CNTLN: variants seen among roughly 807,000 people sequenced by gnomAD.
The protein encoded by CNTLN is centlein, centrosomal protein.
In CNTLN, 212 loss-of-function variants were observed where a neutral mutation model predicts 180.0. The ratio of observed to expected loss-of-function variants is 1.18; its 90% CI spans 1.05 to 1.32. The LOEUF is 1.32. Ranked by LOEUF, CNTLN falls within the 40% of genes most tolerant of loss-of-function variation. The pLI is 0.00. For synonymous variants in CNTLN, 722 were observed against 563.1 expected (o/e 1.28, Z -3.99); for missense variants, 2,095 against 1,610.9 (o/e 1.30, Z -5.14).
chr9:17,260,330 G>A (rs1826860284), intron 5 of CNTLN, among the ~76,000 whole-genome samples: 1 of 150,974 alleles, frequency 6.6e-6, no homozygotes, highest in Non-Finnish European at 1.5e-5. Flanking sequence ...ATTGCACTGT[G>A]GTCTGAGAGA....
chr9:17,516,110 T>TA, the CNTLN span, among the ~76,000 whole-genome samples: 1 of 152,210 alleles, frequency 6.6e-6, no homozygotes, highest in Admixed American at 6.5e-5. Context: ...CACATGATTT[T>TA]ATCCCTCCTT....
chr9:17,295,950 G>A (rs893611327), intron 6 of CNTLN, among the ~76,000 whole-genome samples: 8 of 150,748 alleles, frequency 5.3e-5, no homozygotes, highest in African/African-American at 2.0e-4. Flanking sequence ...AATAGTATGA[G>A]CATCTCCCTA....
At chr9:17,244,458 C>G (rs1392219024) in intron 5 of CNTLN, among the ~76,000 whole-genome samples, 1 of 152,152 alleles carries the variant, frequency 6.6e-6, no homozygotes, top group South Asian at 2.1e-4. Context: ...GCTCAAGTGA[C>G]CCTCCTGCCT....
chr9:17,493,541 A>C (rs957762971), intron 25 of CNTLN, among the ~76,000 whole-genome samples: 2 of 152,168 alleles, frequency 1.3e-5, no homozygotes, highest in African/African-American at 4.8e-5. Context: ...AATGACTCCT[A>C]TTCTTGCACC....
chr9:17,332,601 C>A lies in CNTLN; in HGVS notation c.1519-4C>A. On this transcript the variant is annotated splice_polypyrimidine_tract_variant and splice_region_variant and intron_variant, in intron 9 of 25. Transcript: ENST00000380647. ...TTCAACCATGTCCTTGTTTTATTCTCGAGGAACCACCTGTGAAACGTTCAA... is the reference window on the plus strand; with the variant it reads ...TTCAACCATGTCCTTGTTTTATTCTAGAGGAACCACCTGTGAAACGTTCAA... The A allele has an allele frequency of 6.3e-7, 1 of 1,599,618 alleles. No homozygotes were observed. Among genetic ancestry groups the A allele is most frequent in the South Asian group, 1.1e-5 (1 of 87,920 alleles).
intron 2 of CNTLN, among the ~76,000 whole-genome samples, chr9:17,169,479 A>C (rs1181020001): frequency 6.6e-6 from 1 of 152,180 alleles, no homozygotes; most frequent in Non-Finnish European, 1.5e-5. Context: ...ATCTTTGACA[A>C]GACCGATGTC....
intron 6 of CNTLN, among the ~76,000 whole-genome samples, chr9:17,294,312 A>G (rs1430087790): frequency 2.0e-5 from 3 of 151,878 alleles, no homozygotes; most frequent in African/African-American, 7.3e-5. Flanking sequence ...CATCCTGCTG[A>G]TTGGTCCATT....
intron 10 of CNTLN, among the ~76,000 whole-genome samples, chr9:17,335,422 CAGG>C (rs1564004570): frequency 6.6e-6 from 1 of 151,618 alleles, no homozygotes; most frequent in Admixed American, 6.6e-5. Context: ...GGGGCTGAGG[CAGG>C]AGAATTGCTT....
intron 6 of CNTLN, among the ~76,000 whole-genome samples, chr9:17,294,495 G>C (rs1042742431): frequency 6.6e-6 from 1 of 151,416 alleles, no homozygotes; most frequent in Admixed American, 6.6e-5. Flanking sequence ...GACACACGGT[G>C]CTGATTGGTG....
chr9:17,225,733 T>A (rs1446264122), intron 2 of CNTLN, among the ~76,000 whole-genome samples: 1 of 152,028 alleles, frequency 6.6e-6, no homozygotes, highest in African/African-American at 2.4e-5. Flanking sequence ...TTAGTTTAGT[T>A]AATAGTATTC....
At chr9:17,220,720 G>C (rs945072602) in intron 2 of CNTLN, among the ~76,000 whole-genome samples, 3 of 152,126 alleles carry the variant, frequency 2.0e-5, no homozygotes, top group African/African-American at 7.2e-5. Flanking sequence ...ACCTGCATTA[G>C]TTTTCTGAGG....
Position 17,330,270 on chromosome 9 carries a change from C to A in CNTLN, c.1342-362C>A, listed in dbSNP as rs140174669. ...TATGGTATTGTATGACTCTTGATGA[C>A]CAGATGGTGGATTGACTGTTTTGTG... On this transcript the variant is annotated intron_variant, in intron 8 of 25. Coordinates refer to ENST00000380647, the MANE Select transcript of CNTLN (RefSeq NM_017738.4). Among the ~76,000 whole-genome samples, 31 of 152,022 alleles carry A rather than the reference C, an allele frequency of 2.0e-4. 2 individuals carry two copies. The East Asian group carries it at 6.0e-3, about 29-fold the overall frequency.
chr9:17,212,901 T>A (rs1189161364), intron 2 of CNTLN, among the ~76,000 whole-genome samples: 1 of 152,208 alleles, frequency 6.6e-6, no homozygotes, highest in African/African-American at 2.4e-5. Flanking sequence ...GGTGGTGATA[T>A]CCCCTTTATC....
chr9:17,428,911 CT>C (rs1320754427), intron 18 of CNTLN, among the ~76,000 whole-genome samples: 4 of 151,682 alleles, frequency 2.6e-5, no homozygotes, highest in Non-Finnish European at 5.9e-5. Flanking sequence ...TTGTTATTTA[CT>C]TTTTAAAAAA....
At chr9:17,286,483 A>C (rs1489444732) in intron 6 of CNTLN, among the ~76,000 whole-genome samples, 1 of 120,212 alleles carries the variant, frequency 8.3e-6, no homozygotes, top group African/African-American at 3.7e-5. Context: ...TGACTTGGCG[A>C]TGCGGGCTCT....
Position 17,283,764 on chromosome 9 carries a change from G to A in CNTLN, c.983+9898G>A, listed in dbSNP as rs1433856985. 3.3e-5 allele frequency among the ~76,000 whole-genome samples: 5 copies of A among 152,228 alleles called. No individual in the cohort carries two copies. In the South Asian group the frequency reaches 8.3e-4, roughly 25 times the overall value. On this transcript the variant is annotated intron_variant, in intron 6 of 25. Coordinates refer to ENST00000380647, the MANE Select transcript of CNTLN (RefSeq NM_017738.4). ...TAAATGGCTCATTATTTTGAGGTAT[G>A]TTCCATCAATACCTAGTTTATTGAG... is the stretch of plus-strand genomic sequence containing the variant.
intron 18 of CNTLN, among the ~76,000 whole-genome samples, chr9:17,427,475 T>C (rs1829163209): frequency 6.6e-6 from 1 of 152,134 alleles, no homozygotes; most frequent in African/African-American, 2.4e-5. Flanking sequence ...TATTTAAAAT[T>C]TCATGAGTAA....
At chr9:17,504,407 C>G (rs1242317728), downstream of CNTLN, among the ~76,000 whole-genome samples, 6 of 152,218 alleles carry the variant, frequency 3.9e-5, no homozygotes, top group East Asian at 9.7e-4. Context: ...AATGAGACTG[C>G]TAGTATGACC....
intron 6 of CNTLN, among the ~76,000 whole-genome samples, chr9:17,289,704 AT>A (rs1033708377): frequency 7.2e-6 from 1 of 138,008 alleles, no homozygotes; most frequent in African/African-American, 3.0e-5. Flanking sequence ...GGCTTTGCTC[AT>A]TTCTTTTTAT....
Sources: gnomAD v4.1 joint callset for allele counts (sites outside exome capture counted in the v4.1 genomes callset) on GRCh38, gnomAD v4.1.1 for gene constraint, MANE v1.5 for transcripts, NCBI Gene and HGNC (gene_info 2026-07-23, HGNC 2026-07-21) for gene names.